The following PCDHA6 variants were observed in gnomAD, a reference collection of about 807,000 sequenced individuals.
PCDHA6 encodes the protein protocadherin alpha 6, also known as protocadherin alpha-6.
In PCDHA6, 55 loss-of-function variants were observed where a neutral mutation model predicts 60.3. That is an observed-to-expected ratio of 0.91 (90% CI 0.73 to 1.14). PCDHA6 has a LOEUF of 1.14. Ranked by LOEUF, PCDHA6 falls within the 50% of genes most tolerant of loss-of-function variation. PCDHA6 has a pLI of 0.00. For missense variants in PCDHA6, 1,327 were observed against 1,256.5 expected (o/e 1.06, Z -0.85); for synonymous variants, 652 against 557.9 (o/e 1.17, Z -2.38).
rs376867914 is a variant in PCDHA6 at position 140,880,239 on chromosome 5, TGC to T, written c.2394+49756_2394+49757del. Among the ~76,000 whole-genome samples the T allele has an allele frequency of 5.6e-3, 860 of 152,302 alleles. 5 individuals carry two copies. The highest frequency in any genetic ancestry group is 0.014 in the Middle Eastern group (4 of 294). On this transcript the variant is annotated intron_variant, in intron 1 of 3. Transcript: ENST00000529310. ...AGTAGAACATTTAAATTAGTGTATG[TGC>T]GTGTGTGTATGTATACATATTTTAG...
chr5:140,886,158 C>A (rs888588847), intron 1 of PCDHA6, among the ~76,000 whole-genome samples: 2 of 152,142 alleles, frequency 1.3e-5, no homozygotes, highest in South Asian at 4.1e-4. Context: ...CTTTTTATAG[C>A]CACATCTGCT....
At chr5:140,903,329 G>A (rs2070195936) in intron 1 of PCDHA6, among the ~76,000 whole-genome samples, 1 of 152,160 alleles carries the variant, frequency 6.6e-6, no homozygotes, top group Non-Finnish European at 1.5e-5. Context: ...TTTTATTGAG[G>A]AAAGGATGCA....
In PCDHA6 at chr5:141,011,117, C is replaced by A. The variant is rs1301385116; in HGVS notation, c.*1180C>A. The A allele has an allele frequency of 1.3e-5, 2 of 153,590 alleles. No homozygotes were observed. The highest frequency in any genetic ancestry group is 2.4e-5 in the African/African-American group (1 of 41,402). The allele number at this position is 153,590 out of a possible 1,614,324, so 9.5% of individuals were successfully genotyped here. The stretch of plus-strand genomic sequence containing the variant: ...CTCTCTCTCTCTCTTTTCTAAGAAA[C>A]AATTATGTGCACTTTGATACACAAC... On this transcript the variant is annotated 3_prime_UTR_variant, in exon 4 of 4. Coordinates refer to ENST00000529310, the MANE Select transcript of PCDHA6 (RefSeq NM_018909.4).
chr5:140,943,888 T>A (rs567966075), intron 1 of PCDHA6, among the ~76,000 whole-genome samples: 1 of 152,330 alleles, frequency 6.6e-6, no homozygotes, highest in South Asian at 2.1e-4. Context: ...ATTGGACTGG[T>A]CATTATGATG....
At chr5:140,927,118 G>C in intron 1 of PCDHA6, 1 of 1,613,946 alleles carries the variant, frequency 6.2e-7, no homozygotes, top group Non-Finnish European at 8.5e-7. Context: ...CGGCAATTTG[G>C]TGGTCAGAGA....
chr5:140,935,230 CTA>C (rs1363291872), intron 1 of PCDHA6, among the ~76,000 whole-genome samples: 2 of 152,128 alleles, frequency 1.3e-5, no homozygotes, highest in African/African-American at 4.8e-5. Context: ...TAAGGGATGT[CTA>C]TTTTTTAAAA....
At chr5:140,900,575 C>A (rs994036757) in intron 1 of PCDHA6, among the ~76,000 whole-genome samples, 5 of 152,330 alleles carry the variant, frequency 3.3e-5, no homozygotes, top group African/African-American at 1.2e-4. Flanking sequence ...CGGCACCGGC[C>A]CATTTTCTTT....
At chr5:140,867,196 T>G (rs2049814377) in intron 1 of PCDHA6, 1 of 152,086 alleles carries the variant, frequency 6.6e-6, no homozygotes, top group Non-Finnish European at 1.5e-5. Context: ...AGACTCCACA[T>G]TCCATGTAAC....
chr5:140,828,952 C>T lies in PCDHA6; in HGVS notation c.861C>T (p.Ala287=), dbSNP rs1202172240. 4.5e-5 allele frequency: 72 copies of T among 1,613,992 alleles called. No homozygotes were observed. The highest frequency in any genetic ancestry group is 1.5e-4 in the Admixed American group (9 of 59,992). Residue 287 remains alanine (A), a synonymous_variant, in exon 1 of 4, where the codon GCC becomes GCT. Coordinates refer to ENST00000529310, the MANE Select transcript of PCDHA6 (RefSeq NM_018909.4). ...ISYSFNSLVA[A]MVIDHFSIDR... is the part of the protein sequence containing the mutation. ...ATTCTTTTAATAGCCTTGTTGCAGC[C>T]ATGGTTATTGACCACTTTAGCATAG...
chr5:140,929,992 C>T (rs1015837723), intron 1 of PCDHA6: 7 of 152,300 alleles, frequency 4.6e-5, no homozygotes, highest in East Asian at 1.9e-4. Flanking sequence ...TTGGGAATGA[C>T]ACCCTAAAAC....
intron 1 of PCDHA6, among the ~76,000 whole-genome samples, chr5:140,917,330 A>AGGGGGGGGGGG (rs1425400137): frequency 9.7e-6 from 1 of 103,190 alleles, no homozygotes. Flanking sequence ...GTGGCGGGGG[A>AGGGGGGGGGGG]GGGGGGGGAT....
chr5:140,973,450 T>C (rs1326852534), intron 1 of PCDHA6, among the ~76,000 whole-genome samples: 1 of 152,250 alleles, frequency 6.6e-6, no homozygotes, highest in Non-Finnish European at 1.5e-5. Context: ...TTATAATGAC[T>C]GGGGCTGTTT....
intron 1 of PCDHA6, among the ~76,000 whole-genome samples, chr5:140,925,094 G>A (rs1489905457): frequency 6.6e-6 from 1 of 151,188 alleles, no homozygotes; most frequent in Non-Finnish European, 1.5e-5. Flanking sequence ...AGGAAGGAAG[G>A]AAGGAAGGAA....
At chr5:140,875,837 A>T in intron 1 of PCDHA6, 1 of 1,614,140 alleles carries the variant, frequency 6.2e-7, no homozygotes, top group Non-Finnish European at 8.5e-7. Context: ...GTGGACGTGG[A>T]GGTGAAGGAC....
At position 140,858,707 on chromosome 5, in the gene PCDHA6, A is replaced by G. The variant is rs1234055961; in HGVS notation, c.2394+28222A>G. On this transcript the variant is annotated intron_variant, in intron 1 of 3. Transcript: ENST00000529310. The stretch of plus-strand genomic sequence containing the variant: ...TAATATTTTCCAATACAAATATGTG[A>G]TATAGGTTGCAGTTCTGACGATTTA... 2 of 547,800 alleles carry G rather than the reference A, an allele frequency of 3.7e-6. 1 individual carries two copies. Among genetic ancestry groups the G allele is most frequent in the Non-Finnish European group, 6.3e-6 (2 of 316,316 alleles). The allele number at this position is 547,800 out of a possible 1,614,324, so 33.9% of individuals were successfully genotyped here.
Position 140,884,599 on chromosome 5 carries a change from T to C in PCDHA6, c.2394+54114T>C, listed in dbSNP as rs1490825306. 3 of 1,614,042 alleles carry C rather than the reference T, an allele frequency of 1.9e-6. No homozygotes were observed. In the East Asian group the frequency reaches 6.7e-5, roughly 36 times the overall value. ...TCATGGCCTTCAGTCCCAGCCTTCC[T>C]CCTTGTCTGGGTTCTGCAGAGGGAA... On this transcript the variant is annotated intron_variant, in intron 1 of 3. Transcript: ENST00000529310.
At chr5:140,914,393 C>A (rs1338816793) in intron 1 of PCDHA6, among the ~76,000 whole-genome samples, 1 of 152,080 alleles carries the variant, frequency 6.6e-6, no homozygotes, top group Non-Finnish European at 1.5e-5. Context: ...AGTGTAGTTA[C>A]CCCTGCTCCT....
At chr5:140,836,023 G>A in intron 1 of PCDHA6, 7 of 1,613,414 alleles carry the variant, frequency 4.3e-6, no homozygotes, top group Non-Finnish European at 5.9e-6. Flanking sequence ...CCTCTGGGCA[G>A]CAACGTGACG....
rs1554131020 is a variant in PCDHA6, at chr5:140,828,105, C to T, written c.14C>T (p.Pro5Leu). 3.1e-6 allele frequency: 5 copies of T among 1,610,132 alleles called. No homozygotes were observed. The highest frequency in any genetic ancestry group is 1.7e-4 in the Middle Eastern group (1 of 6,056). Residue 5 changes from proline to leucine, a missense_variant, in exon 1 of 4, where the codon CCG (proline) becomes CTG (leucine). Physicochemically the swap from Pro to Leu is moderately conservative, Grantham distance 98. Transcript: ENST00000529310. The part of the protein sequence containing the change: MVFT[P>L]EDRLGKQCLL... ...GAGGTATTTGACATGGTGTTTACCC[C>T]GGAGGATAGATTGGGAAAGCAATGT...
Sources: gnomAD v4.1 joint callset for allele counts (sites outside exome capture counted in the v4.1 genomes callset) on GRCh38, gnomAD v4.1.1 for gene constraint, MANE v1.5 for transcripts, NCBI Gene and HGNC (gene_info 2026-07-23, HGNC 2026-07-21) for gene names.